The following CPNE7 variants were observed in gnomAD, a reference collection of about 807,000 sequenced individuals.
The protein encoded by CPNE7 is copine-7.
Under a neutral mutation model 66.5 loss-of-function variants are expected in CPNE7, and 78 were observed. The ratio of observed to expected loss-of-function variants is 1.17; its 90% CI spans 0.98 to 1.42. CPNE7 has a LOEUF of 1.42. CPNE7 is among the 40% of genes most tolerant of loss of function. The pLI, the probability that CPNE7 is intolerant of heterozygous loss-of-function variation, is 0.00. For synonymous variants in CPNE7, 468 were observed against 336.7 expected (o/e 1.39, Z -4.27); for missense variants, 1,012 against 776.6 (o/e 1.30, Z -3.60).
At position 89,592,030 on chromosome 16, in the gene CPNE7, C is replaced by T. The variant is rs1360160149; in HGVS notation, c.1302+770C>T. Among the ~76,000 whole-genome samples, 5 of 134,594 alleles carry T rather than the reference C, an allele frequency of 3.7e-5. No individual in the cohort carries two copies. In the South Asian group the frequency reaches 7.1e-4, roughly 19 times the overall value. 88.3% of individuals were successfully genotyped at this position (134,594 alleles called of 152,430 possible). On this transcript the variant is annotated intron_variant, in intron 13 of 14. Coordinates refer to ENST00000319518, the MANE Select transcript of CPNE7 (RefSeq NM_153636.3). ...TTTTTGTTGTTTTTTTTTTTTGAGACGGAGTCTCGCTCTGTCACCCAGGCT... is the reference window on the plus strand; with the variant it reads ...TTTTTGTTGTTTTTTTTTTTTGAGATGGAGTCTCGCTCTGTCACCCAGGCT...
intron 1 of CPNE7, among the ~76,000 whole-genome samples, chr16:89,576,398 G>A (rs2058860285): frequency 6.6e-6 from 1 of 152,166 alleles, no homozygotes; most frequent in South Asian, 2.1e-4. Context: ...GGCGCGGGCA[G>A]GGGGCTCGAC....
At position 89,583,168 on chromosome 16, in the gene CPNE7, T is replaced by C. The variant is rs564498883; in HGVS notation, c.358-529T>C. Among the ~76,000 whole-genome samples the C allele has an allele frequency of 6.6e-5, 10 of 152,340 alleles. No homozygotes were observed. The South Asian group carries it at 1.0e-3, about 16-fold the overall frequency. On this transcript the variant is annotated intron_variant, in intron 2 of 14. Coordinates refer to ENST00000319518, the MANE Select transcript of CPNE7 (RefSeq NM_153636.3). ...ACAATCAACTCTGCTCCTTGGCACC[T>C]TCGAAGAGGAGTGGGCGGTGGGGTC...
At chr16:89,595,224 G>T in intron 13 of CPNE7, 143 bp from the exon 14 acceptor site, 1 of 647,132 alleles carries the variant, frequency 1.5e-6, no homozygotes. Context: ...TGATGTTTGT[G>T]ATGTAGGCAT....
intron 13 of CPNE7, among the ~76,000 whole-genome samples, chr16:89,595,104 C>G (rs886806394): frequency 1.1e-4 from 17 of 152,058 alleles, no homozygotes; most frequent in African/African-American, 4.1e-4. Flanking sequence ...ATGTAGACTT[C>G]GTAGCACCCC....
intron 10 of CPNE7, among the ~76,000 whole-genome samples, chr16:89,589,426 G>A (rs759391840): frequency 1.7e-4 from 26 of 152,174 alleles, no homozygotes; most frequent in Non-Finnish European, 2.8e-4. Context: ...GAGGCTTGGG[G>A]CTCACCCGCG....
intron 1 of CPNE7, 102 bp downstream of exon 1, chr16:89,576,173 A>C (rs971829479): frequency 9.6e-7 from 1 of 1,037,930 alleles, no homozygotes; most frequent in Non-Finnish European, 1.2e-6. Context: ...AGTGGGGCGC[A>C]AGGCGGGGCC....
chr16:89,577,405 C>A, intron 1 of CPNE7, 134 bp from the exon 2 acceptor site: 1 of 863,606 alleles, frequency 1.2e-6, no homozygotes, highest in Non-Finnish European at 1.8e-6. Flanking sequence ...GGACAGAGAG[C>A]AGGCAGGAGG....
Position 89,583,789 on chromosome 16 carries a change from C to T in CPNE7, c.432+18C>T, listed in dbSNP as rs2058993039. The T allele has an allele frequency of 6.2e-7, 1 of 1,611,910 alleles. No individual in the cohort carries two copies. The highest frequency in any genetic ancestry group is 1.1e-5 in the South Asian group (1 of 91,056). ...CCATCACGGTGAGACCCGGGCGCAC[C>T]CCTGCAGCCTGCAGGCCCTGCTGCT... On this transcript the variant is annotated intron_variant, in intron 3 of 14. Coordinates refer to ENST00000319518, the MANE Select transcript of CPNE7 (RefSeq NM_153636.3).
At chr16:89,587,585 G>C (rs1288314046) in intron 9 of CPNE7, 11 of 418,830 alleles carry the variant, frequency 2.6e-5, no homozygotes, top group Non-Finnish European at 4.9e-5. Context: ...AAACTGGAGT[G>C]AGCGTTTGAG....
At chr16:89,590,766 TGG>T (rs2151454741) in intron 11 of CPNE7, among the ~76,000 whole-genome samples, 1 of 46,728 alleles carries the variant, frequency 2.1e-5, no homozygotes, top group South Asian at 1.2e-3. Flanking sequence ...AGCAGCTGAC[TGG>T]GGGACATGGG....
Position 89,579,946 on chromosome 16 carries a change from C to T in CPNE7, c.357+2225C>T, listed in dbSNP as rs868220261. ...ACCCGCTGACACAGAACATCTCACC[C>T]GTCACATGGAACATCCCGTCACCCG... On this transcript the variant is annotated intron_variant, in intron 2 of 14. Transcript: ENST00000319518. Among the ~76,000 whole-genome samples the T allele has an allele frequency of 7.4e-4, 40 of 53,944 alleles. 8 individuals carry two copies. Among genetic ancestry groups the T allele is most frequent in the African/African-American group, 1.7e-3 (36 of 20,982 alleles). 35.4% of individuals were successfully genotyped at this position (53,944 alleles called of 152,430 possible).
intron 9 of CPNE7, among the ~76,000 whole-genome samples, chr16:89,588,153 G>A (rs1393261147): frequency 1.9e-5 from 2 of 104,310 alleles, no homozygotes; most frequent in Admixed American, 1.0e-4. Context: ...ACAGATACAC[G>A]GCCCCCGTGT....
intron 9 of CPNE7, 61 bp from the exon 10 acceptor site, chr16:89,588,614 G>C (rs1049558314): frequency 3.1e-6 from 5 of 1,604,124 alleles, no homozygotes; most frequent in Admixed American, 1.7e-5. Flanking sequence ...TTCTCTACCT[G>C]TCAGGAGCGG....
At chr16:89,595,972 A>T (rs969142303) in intron 14 of CPNE7, 5 of 504,932 alleles carry the variant, frequency 9.9e-6, no homozygotes, top group Non-Finnish European at 1.9e-5. Flanking sequence ...GTGAGGTTCT[A>T]CCCGGTGAGA....
At chr16:89,583,046 T>G (rs897205106) in intron 2 of CPNE7, among the ~76,000 whole-genome samples, 10 of 152,182 alleles carry the variant, frequency 6.6e-5, no homozygotes, top group African/African-American at 2.4e-4. Context: ...GGTGGGCTCA[T>G]AGCCGATGGG....
chr16:89,590,915 C>A (rs1188272685), intron 11 of CPNE7, 92 bp from the exon 12 acceptor site: 8 of 1,192,562 alleles, frequency 6.7e-6, no homozygotes, highest in Non-Finnish European at 8.8e-6. Flanking sequence ...GACATGGGGG[C>A]TGGGGACGGG....
In CPNE7 at chr16:89,578,960, C is replaced by G. The variant is rs78990556; in HGVS notation, c.357+1239C>G. 2.3e-3 allele frequency: 3,678 copies of G among 1,611,406 alleles called. 62 individuals are homozygous for G. In the African/African-American group the frequency reaches 0.044, roughly 19 times the overall value. On this transcript the variant is annotated intron_variant, in intron 2 of 14. Transcript: ENST00000319518. ...CACTTCCTGTGCTGCACGGAATCCT[C>G]ACACCTTGCCAGGACGGGTCCTTCT...
chr16:89,586,634 A>T, intron 7 of CPNE7, 36 bp from the exon 8 acceptor site: 1 of 1,558,304 alleles, frequency 6.4e-7, no homozygotes, highest in Non-Finnish European at 8.8e-7. Context: ...GTTCAGAGCC[A>T]CCACTCTGGG....
Position 89,596,916 on chromosome 16 carries a change from C to G in CPNE7, c.*295C>G, listed in dbSNP as rs1432949561. On this transcript the variant is annotated 3_prime_UTR_variant, in exon 15 of 15. Transcript: ENST00000319518. ...GCTGGGAGTTCATCCACGGGAGACCCTGCCCCGATGAGAAGGGGCAGGGAC... is the reference window on the plus strand; with the variant it reads ...GCTGGGAGTTCATCCACGGGAGACCGTGCCCCGATGAGAAGGGGCAGGGAC... 11 of 316,120 alleles carry G rather than the reference C, an allele frequency of 3.5e-5. No individual in the cohort carries two copies. Among genetic ancestry groups the G allele is most frequent in the Non-Finnish European group, 6.3e-5 (11 of 174,672 alleles). 19.6% of individuals were successfully genotyped at this position (316,120 alleles called of 1,614,324 possible). A position where few individuals can be genotyped will look rare whatever the true frequency, so the allele number is the denominator to read the frequency against.
Sources: allele counts gnomAD v4.1 joint callset (sites outside exome capture counted in the v4.1 genomes callset), GRCh38; gene constraint gnomAD v4.1.1; transcripts MANE v1.5; gene names NCBI Gene and HGNC (gene_info 2026-07-23, HGNC 2026-07-21).